Variants in PCDHA9 observed in about 807,000 individuals in gnomAD.
The protein encoded by PCDHA9 is protocadherin alpha 9.
Under a neutral mutation model 62.0 loss-of-function variants are expected in PCDHA9, and 62 were observed. The observed-to-expected ratio is 1.00, with a 90% CI of 0.81 to 1.23. The LOEUF (loss-of-function observed/expected upper bound fraction) is 1.23, where lower values mean the gene tolerates loss of function less well. PCDHA9 is among the 50% of genes most tolerant of loss of function. The probability of loss-of-function intolerance (pLI) is 0.00; values close to 1 mark genes in which losing one functional copy is unlikely to be tolerated. For synonymous variants in PCDHA9, 557 were observed against 567.6 expected, an observed-to-expected ratio of 0.98 and a Z score of 0.27; for missense variants, 1,205 against 1,249.8, an observed-to-expected ratio of 0.96 and a Z score of 0.54.
chr5:140,917,948 A>G (rs1382859222), intron 1 of PCDHA9, among the ~76,000 whole-genome samples: 2 of 151,868 alleles, frequency 1.3e-5, no homozygotes, highest in Admixed American at 1.3e-4. Flanking sequence ...TGGTAGTTTG[A>G]TAGGAACATC....
intron 1 of PCDHA9, chr5:140,851,932 T>G: frequency 1.0e-6 from 1 of 965,638 alleles, no homozygotes; most frequent in Non-Finnish European, 1.3e-6. Context: ...TTTCCTGAAT[T>G]GTAGTATGTG....
At chr5:140,939,253 G>C (rs1399135372) in intron 1 of PCDHA9, among the ~76,000 whole-genome samples, 2 of 152,060 alleles carry the variant, frequency 1.3e-5, no homozygotes, top group African/African-American at 4.8e-5. Context: ...TAGCTCTCTG[G>C]AACCTCTTTT....
chr5:140,928,226 T>G, intron 1 of PCDHA9: 1 of 1,614,178 alleles, frequency 6.2e-7, no homozygotes, highest in African/African-American at 1.3e-5. Context: ...ACACCAAACT[T>G]TCCTCAACCC....
intron 1 of PCDHA9, among the ~76,000 whole-genome samples, chr5:140,935,894 CTTTTTTTT>C (rs55841305): frequency 1.5e-5 from 2 of 136,750 alleles, no homozygotes; most frequent in African/African-American, 5.4e-5. Context: ...TCAATATTAT[CTTTTTTTT>C]TTTTTTTTGA....
At chr5:140,965,555 G>A (rs1373065218) in intron 1 of PCDHA9, among the ~76,000 whole-genome samples, 4 of 151,798 alleles carry the variant, frequency 2.6e-5, no homozygotes, top group Non-Finnish European at 5.9e-5. Flanking sequence ...CCTGGCTTAG[G>A]AGATCAACAG....
At chr5:140,853,228 T>C (rs2042677094) in intron 1 of PCDHA9, 2 of 982,222 alleles carry the variant, frequency 2.0e-6, no homozygotes, top group Non-Finnish European at 2.5e-6. Flanking sequence ...ATTGGTAATT[T>C]AGTCCTTCAT....
intron 3 of PCDHA9, among the ~76,000 whole-genome samples, chr5:140,985,739 CTT>C (rs11372071): frequency 4.2e-4 from 50 of 117,920 alleles, no homozygotes; most frequent in Middle Eastern, 4.8e-3. Context: ...TGATGAATTC[CTT>C]TTTTTTTTTT....
intron 1 of PCDHA9, chr5:140,884,494 C>A: frequency 6.2e-7 from 1 of 1,614,068 alleles, no homozygotes; most frequent in Non-Finnish European, 8.5e-7. Context: ...TAGTGTGCTC[C>A]AGCGCGGCAG....
chr5:140,903,491 G>T (rs1253397353), intron 1 of PCDHA9, among the ~76,000 whole-genome samples: 4 of 152,094 alleles, frequency 2.6e-5, no homozygotes, highest in African/African-American at 9.7e-5. Flanking sequence ...GTTCTGAGCA[G>T]GTACCATAGA....
At position 141,003,524 on chromosome 5, in the gene PCDHA9, G is replaced by T. The variant is rs2098128799; in HGVS notation, c.2543-6103G>T. On this transcript the variant is annotated intron_variant, in intron 3 of 3. Coordinates refer to ENST00000532602, the MANE Select transcript of PCDHA9 (RefSeq NM_031857.2). ...GATGGGGTTTCACCATGTTCCCTAG[G>T]CTGGTCTTGAACTCCTGGCTTCAAG... 4.6e-5 allele frequency among the ~76,000 whole-genome samples: 7 copies of T among 152,070 alleles called. No individual in the cohort carries two copies. In the South Asian group the frequency reaches 1.5e-3, roughly 32 times the overall value.
intron 1 of PCDHA9, among the ~76,000 whole-genome samples, chr5:140,942,598 A>C: frequency 7.1e-6 from 1 of 140,144 alleles, no homozygotes; most frequent in East Asian, 2.1e-4. Flanking sequence ...ATATAATTAT[A>C]GTGTTTATAT....
intron 3 of PCDHA9, among the ~76,000 whole-genome samples, chr5:140,993,704 A>G (rs1032326931): frequency 3.3e-5 from 5 of 152,172 alleles, no homozygotes; most frequent in African/African-American, 1.2e-4. Flanking sequence ...TTGTAATACC[A>G]TATTTTTACT....
At chr5:140,987,565 T>C (rs1407426548) in intron 3 of PCDHA9, among the ~76,000 whole-genome samples, 1 of 152,344 alleles carries the variant, frequency 6.6e-6, no homozygotes, top group East Asian at 1.9e-4. Flanking sequence ...TCTCAGTTTC[T>C]TTCTCTATAA....
At chr5:140,856,349 T>C in intron 1 of PCDHA9, 1 of 1,598,368 alleles carries the variant, frequency 6.3e-7, no homozygotes, top group Non-Finnish European at 8.6e-7. Flanking sequence ...GAGCGTGGAG[T>C]GCAGCATCCA....
At chr5:140,877,007 C>T in intron 1 of PCDHA9, 2 of 1,612,430 alleles carry the variant, frequency 1.2e-6, no homozygotes, top group Non-Finnish European at 1.7e-6. Context: ...TCGGTGCACG[C>T]GGAGAGCGGC....
rs79831933 is a variant in PCDHA9, at chr5:140,933,507, A to G, written c.2395-45442A>G. ...TATTCTTTAGAATTGTTAAGCAAAG[A>G]CTACAGCTGTTTTGTTTAAACTCAA... On this transcript the variant is annotated intron_variant, in intron 1 of 3. Transcript: ENST00000532602. 5.9e-3 allele frequency among the ~76,000 whole-genome samples: 898 copies of G among 152,170 alleles called. 13 individuals carry two copies. Among genetic ancestry groups the G allele is most frequent in the African/African-American group, 0.02 (841 of 41,572 alleles).
chr5:140,929,694 A>G, intron 1 of PCDHA9: 1 of 270,028 alleles, frequency 3.7e-6, no homozygotes, highest in Non-Finnish European at 7.3e-6. Flanking sequence ...AGTCTGCTTT[A>G]TATGAATATA....
intron 1 of PCDHA9, among the ~76,000 whole-genome samples, chr5:140,978,727 G>A (rs1382730289): frequency 1.3e-5 from 2 of 152,198 alleles, no homozygotes; most frequent in South Asian, 2.1e-4. Flanking sequence ...TATTAAATCT[G>A]GTCTTCCAGG....
intron 1 of PCDHA9, chr5:140,875,516 T>C: frequency 6.2e-7 from 1 of 1,613,976 alleles, no homozygotes; most frequent in Non-Finnish European, 8.5e-7. Context: ...CAGCGTCTGC[T>C]GCTCTCGCTT....
Sources: gnomAD v4.1 joint callset for allele counts (sites outside exome capture counted in the v4.1 genomes callset) on GRCh38, gnomAD v4.1.1 for gene constraint, MANE v1.5 for transcripts, NCBI Gene and HGNC (gene_info 2026-07-23, HGNC 2026-07-21) for gene names.